The following TCF4 variants were observed in gnomAD, a reference collection of about 807,000 sequenced individuals.
TCF4 encodes SL3-3 enhancer factor 2.
TCF4 carries 3 observed loss-of-function variants against 82.1 expected under a neutral mutation model. The observed-to-expected ratio is 0.04, with a 90% CI of 0.02 to 0.09. The LOEUF (loss-of-function observed/expected upper bound fraction) is 0.09. Ranked by LOEUF, TCF4 falls within the 10% of genes least tolerant of loss-of-function variation. The pLI is 1.00. For synonymous variants in TCF4, 276 were observed against 309.6 expected (o/e 0.89, Z 1.14); for missense variants, 518 against 852.7 (o/e 0.61, Z 4.89).
chr18:55,525,155 T>G (rs1191795830), intron 3 of TCF4, among the ~76,000 whole-genome samples: 2 of 152,124 alleles, frequency 1.3e-5, no homozygotes, highest in East Asian at 3.8e-4. Context: ...CAGATTTAGG[T>G]ACAGTTTTAA....
At chr18:55,474,725 T>C (rs2096254649) in intron 3 of TCF4, among the ~76,000 whole-genome samples, 1 of 152,124 alleles carries the variant, frequency 6.6e-6, no homozygotes, top group Non-Finnish European at 1.5e-5. Context: ...TTTTTCATTC[T>C]TCCCATATTT....
chr18:55,250,100 C>G (rs62092440), intron 15 of TCF4, among the ~76,000 whole-genome samples: 35,722 of 152,094 alleles, frequency 0.23, 4,501 homozygotes, highest in East Asian at 0.32. Flanking sequence ...TTTCCTTATT[C>G]TCCCACATTC....
chr18:55,280,190 T>C (rs1432897623), intron 8 of TCF4, among the ~76,000 whole-genome samples: 1 of 152,154 alleles, frequency 6.6e-6, no homozygotes, highest in Non-Finnish European at 1.5e-5. Context: ...TAAATTCCCA[T>C]AGTGTCAGCT....
chr18:55,619,051 T>C (rs932786750), intron 2 of TCF4, among the ~76,000 whole-genome samples: 1 of 152,192 alleles, frequency 6.6e-6, no homozygotes, highest in African/African-American at 2.4e-5. Flanking sequence ...TTCCTTCCTA[T>C]ATCATTTAAA....
intron 5 of TCF4, among the ~76,000 whole-genome samples, chr18:55,457,520 T>C (rs548552180): frequency 1.4e-4 from 22 of 152,026 alleles, no homozygotes; most frequent in Admixed American, 1.3e-3. Context: ...GGGATCTCAC[T>C]TATTGCCCAG....
chr18:55,234,059 C>G (rs546552965), intron 16 of TCF4, among the ~76,000 whole-genome samples: 53 of 152,190 alleles, frequency 3.5e-4, no homozygotes, highest in Non-Finnish European at 6.5e-4. Context: ...TCATGAAAAG[C>G]CGCTCGTAAT....
At chr18:55,535,796 T>C (rs1042452371) in intron 3 of TCF4, among the ~76,000 whole-genome samples, 2 of 152,220 alleles carry the variant, frequency 1.3e-5, no homozygotes, top group Admixed American at 1.3e-4. Context: ...AGGCATTCTA[T>C]GAGTTTCAGC....
At chr18:55,435,432 T>C (rs1448888247) in intron 5 of TCF4, among the ~76,000 whole-genome samples, 1 of 152,244 alleles carries the variant, frequency 6.6e-6, no homozygotes, top group African/African-American at 2.4e-5. Context: ...TAGTGCCATG[T>C]TTACTGTTTG....
At chr18:55,372,726 T>C (rs1476533216) in intron 6 of TCF4, among the ~76,000 whole-genome samples, 2 of 152,134 alleles carry the variant, frequency 1.3e-5, no homozygotes, top group Non-Finnish European at 2.9e-5. Flanking sequence ...GTAGACTCTA[T>C]GTGACTGTTG....
chr18:55,560,904 A>C (rs1376175802), intron 3 of TCF4, among the ~76,000 whole-genome samples: 1 of 152,254 alleles, frequency 6.6e-6, no homozygotes. Context: ...TTTTTATGTA[A>C]GATGATTTTC....
At chr18:55,427,497 G>T (rs2095038309) in intron 5 of TCF4, among the ~76,000 whole-genome samples, 1 of 152,184 alleles carries the variant, frequency 6.6e-6, no homozygotes, top group Non-Finnish European at 1.5e-5. Flanking sequence ...AACCGCCTGG[G>T]TTTGAATCCT....
chr18:55,557,104 G>A (rs1168336834), intron 3 of TCF4, among the ~76,000 whole-genome samples: 1 of 152,098 alleles, frequency 6.6e-6, no homozygotes, highest in Non-Finnish European at 1.5e-5. Context: ...ATTCATATCG[G>A]TATGTGTAAT....
At chr18:55,293,931 C>CTTTTTTTCT (rs2065765200) in intron 8 of TCF4, among the ~76,000 whole-genome samples, 1 of 40,032 alleles carries the variant, frequency 2.5e-5, no homozygotes, top group Non-Finnish European at 5.1e-5. Flanking sequence ...TTTCCAAGGA[C>CTTTTTTTCT]TTTTTTTTTT....
chr18:55,222,945 TATAA>T lies in TCF4; in HGVS notation c.*5086_*5089del, dbSNP rs1340815661. On this transcript the variant is annotated 3_prime_UTR_variant, in exon 20 of 20. Coordinates refer to ENST00000354452, the MANE Select transcript of TCF4 (RefSeq NM_001083962.2). ...GTGGGGCGGATGTAGTTTGAGAAAG[TATAA>T]ATACAGTGTTAATATTAACTGTAGT... The T allele has an allele frequency of 6.6e-6, 1 of 152,636 alleles. No individual in the cohort carries two copies. The highest frequency in any genetic ancestry group is 2.4e-5 in the African/African-American group (1 of 41,450). 9.5% of individuals were successfully genotyped at this position (152,636 alleles called of 1,614,324 possible).
intron 3 of TCF4, among the ~76,000 whole-genome samples, chr18:55,567,477 C>T: frequency 6.6e-6 from 1 of 152,134 alleles, no homozygotes; most frequent in East Asian, 1.9e-4. Context: ...ACACAATCAA[C>T]AGAGGTGGGT....
At chr18:55,341,131 T>C (rs2079856081) in intron 8 of TCF4, among the ~76,000 whole-genome samples, 1 of 152,184 alleles carries the variant, frequency 6.6e-6, no homozygotes, top group Admixed American at 6.5e-5. Flanking sequence ...ATGACAACCT[T>C]GCTGTAGAGA....
chr18:55,494,302 A>C (rs2096608107), intron 3 of TCF4, among the ~76,000 whole-genome samples: 2 of 152,026 alleles, frequency 1.3e-5, no homozygotes, highest in South Asian at 2.1e-4. Flanking sequence ...TGAGAAAAAA[A>C]AAAAAAGAAA....
intron 8 of TCF4, among the ~76,000 whole-genome samples, chr18:55,336,352 A>G (rs2078638000): frequency 1.3e-5 from 2 of 152,012 alleles, no homozygotes; most frequent in African/African-American, 4.8e-5. Context: ...AATTTTTTTC[A>G]GCATTGGTAA....
chr18:55,379,351 A>G (rs1216439741), intron 6 of TCF4, among the ~76,000 whole-genome samples: 1 of 152,252 alleles, frequency 6.6e-6, no homozygotes, highest in African/African-American at 2.4e-5. Context: ...ATGTGCCTGC[A>G]CAGATGAATA....
Sources: gnomAD v4.1 joint callset for allele counts (sites outside exome capture counted in the v4.1 genomes callset) on GRCh38, gnomAD v4.1.1 for gene constraint, MANE v1.5 for transcripts, NCBI Gene and HGNC (gene_info 2026-07-23, HGNC 2026-07-21) for gene names.